Variants in FGFR1 observed in about 807,000 individuals in gnomAD.
FGFR1 encodes the protein FGFR1/PLAG1 fusion.
Under a neutral mutation model 93.7 loss-of-function variants are expected in FGFR1, and 18 were observed. That is an observed-to-expected ratio of 0.19 (90% confidence interval 0.13 to 0.28). The LOEUF (loss-of-function observed/expected upper bound fraction) is 0.28, where lower values mean the gene tolerates loss of function less well. Among genes scored for constraint, FGFR1 ranks in the 10% least tolerant of loss-of-function variants. The pLI, the probability that FGFR1 is intolerant of heterozygous loss-of-function variation, is 1.00. For synonymous variants in FGFR1, 448 were observed against 429.3 expected, an observed-to-expected ratio of 1.04 and a Z score of -0.54; for missense variants, 731 against 1,080.4, an observed-to-expected ratio of 0.68 and a Z score of 4.53.
chr8:38,411,627 T>C lies in FGFR1; in HGVS notation c.*2001A>G, dbSNP rs1473672284. 1 of 229,240 alleles carries C rather than the reference T, an allele frequency of 4.4e-6. No homozygotes were observed. Among genetic ancestry groups the C allele is most frequent in the Non-Finnish European group, 8.7e-6 (1 of 115,386 alleles). The allele number at this position is 229,240 out of a possible 1,614,324, so 14.2% of individuals were successfully genotyped here. On this transcript the variant is annotated 3_prime_UTR_variant, in exon 18 of 18. Transcript: ENST00000447712. Reference sequence around the variant, plus strand: ...AACATATTGAACTTTCTTTTGTATTTAGCAGTAATCCAGCAAAATATAAGC... The same window carrying C: ...AACATATTGAACTTTCTTTTGTATTCAGCAGTAATCCAGCAAAATATAAGC...
At chr8:38,466,047 C>A (rs1414774981) in intron 1 of FGFR1, 5 of 230,828 alleles carry the variant, frequency 2.2e-5, no homozygotes, top group Non-Finnish European at 4.3e-5. Context: ...AACTTTGGAC[C>A]ACAAGGCGCT....
Position 38,415,468 on chromosome 8 carries a change from ATTTT to A in FGFR1, c.1854+398_1854+401del, listed in dbSNP as rs11451619. 3.5e-5 allele frequency among the ~76,000 whole-genome samples: 5 copies of A among 141,716 alleles called. No homozygotes were observed. The East Asian group carries it at 1.0e-3, about 29-fold the overall frequency. The allele number at this position is 141,716 out of a possible 152,430, so 93.0% of individuals were successfully genotyped here. A position where few individuals can be genotyped will look rare whatever the true frequency, so the allele number is the denominator to read the frequency against. On this transcript the variant is annotated intron_variant, in intron 13 of 17. Transcript: ENST00000447712. Reference sequence around the variant, plus strand: ...ACTACCACACCCAGCTAATTTTTTAATTTTTTTTTTTTTTTTAAAGACGGGGTTT... The same window carrying A: ...ACTACCACACCCAGCTAATTTTTTAATTTTTTTTTTTTAAAGACGGGGTTT...
chr8:38,421,176 C>G (rs376965438), intron 8 of FGFR1, among the ~76,000 whole-genome samples: 136 of 152,300 alleles, frequency 8.9e-4, no homozygotes, highest in African/African-American at 2.9e-3. Context: ...CTCCCTGGCT[C>G]AACACGCAGA....
chr8:38,466,552 G>A (rs557095091), intron 1 of FGFR1: 41 of 230,582 alleles, frequency 1.8e-4, no homozygotes, highest in Non-Finnish European at 3.3e-4. Context: ...CAGCGGCGGC[G>A]AATAACTTGG....
At chr8:38,427,821 G>C (rs1249632166) in intron 5 of FGFR1, 100 bp downstream of exon 5, 1 of 1,321,050 alleles carries the variant, frequency 7.6e-7, no homozygotes, top group African/African-American at 1.5e-5. Flanking sequence ...TGTATAGGTG[G>C]AAAGTATTAC....
intron 2 of FGFR1, among the ~76,000 whole-genome samples, chr8:38,439,682 C>T (rs1826712618): frequency 6.6e-6 from 1 of 152,170 alleles, no homozygotes; most frequent in Non-Finnish European, 1.5e-5. Context: ...CCTCACTGCT[C>T]CTTTCATTTT....
intron 7 of FGFR1, chr8:38,422,606 T>TG (rs1819233040): frequency 3.5e-6 from 1 of 287,502 alleles, no homozygotes; most frequent in South Asian, 7.2e-5. Flanking sequence ...CTTGCTATGT[T>TG]GCCCAGGCTG....
intron 2 of FGFR1, among the ~76,000 whole-genome samples, chr8:38,443,507 A>G (rs1267786322): frequency 6.6e-6 from 1 of 151,488 alleles, no homozygotes. Flanking sequence ...AAAAAAAAAA[A>G]AAAAAGAAAA....
chr8:38,427,331 G>A (rs1341209326), intron 5 of FGFR1, among the ~76,000 whole-genome samples: 1 of 152,218 alleles, frequency 6.6e-6, no homozygotes, highest in African/African-American at 2.4e-5. Context: ...CCAGGCTAGA[G>A]TGAAATGACG....
intron 12 of FGFR1, 141 bp downstream of exon 12, chr8:38,417,165 G>T: frequency 1.4e-6 from 1 of 736,062 alleles, no homozygotes; most frequent in Non-Finnish European, 2.5e-6. Context: ...CAGATCCCGA[G>T]ATAACACATT....
chr8:38,459,057 C>T (rs998118670), intron 1 of FGFR1: 7 of 229,108 alleles, frequency 3.1e-5, no homozygotes, highest in East Asian at 6.2e-5. Context: ...AGCCCTTTAC[C>T]CTTCTCAGGT....
chr8:38,444,824 CAA>C (rs1366880374), intron 2 of FGFR1, among the ~76,000 whole-genome samples: 2 of 152,268 alleles, frequency 1.3e-5, no homozygotes, highest in Admixed American at 1.3e-4. Flanking sequence ...TTACTCTCAG[CAA>C]AGTCAGTATT....
chr8:38,429,544 T>C lies in FGFR1; in HGVS notation c.358+138A>G, dbSNP rs1249325363. 1 of 980,492 alleles carries C rather than the reference T, an allele frequency of 1.0e-6. No individual in the cohort carries two copies. The highest frequency in any genetic ancestry group is 1.5e-6 in the Non-Finnish European group (1 of 650,828). 60.7% of individuals were successfully genotyped at this position (980,492 alleles called of 1,614,324 possible). A position where few individuals can be genotyped will look rare whatever the true frequency, so the allele number is the denominator to read the frequency against. On this transcript the variant is annotated intron_variant, in intron 3 of 17. Transcript: ENST00000447712. The surrounding 1 kb of genome is among the most constrained non-coding windows in gnomAD (Gnocchi z 4.4). ...AAGCCACGCGGCAGGCAGGGAGCAA[T>C]GTTAGTGGGCAGCAGTTTCTGAAGC...
chr8:38,442,043 C>T (rs1025410550), intron 2 of FGFR1, among the ~76,000 whole-genome samples: 1 of 152,106 alleles, frequency 6.6e-6, no homozygotes, highest in African/African-American at 2.4e-5. Context: ...CATACTATTT[C>T]GGAGACATTA....
At chr8:38,452,350 T>C (rs1391648857) in intron 2 of FGFR1, among the ~76,000 whole-genome samples, 1 of 152,052 alleles carries the variant, frequency 6.6e-6, no homozygotes, top group Non-Finnish European at 1.5e-5. Flanking sequence ...ACATAGATTA[T>C]AATGTGTTTC....
chr8:38,430,120 C>G, intron 2 of FGFR1, 172 bp from the exon 3 acceptor site: 1 of 651,144 alleles, frequency 1.5e-6, no homozygotes, highest in Non-Finnish European at 2.6e-6. Context: ...GAGCATGGGT[C>G]AGTGGGGAAA....
intron 2 of FGFR1, among the ~76,000 whole-genome samples, chr8:38,436,607 G>C (rs1036759829): frequency 6.6e-6 from 1 of 151,906 alleles, no homozygotes; most frequent in Non-Finnish European, 1.5e-5. Flanking sequence ...CTTTTAGTGC[G>C]AGTGACAAGG....
Position 38,418,196 on chromosome 8 carries a change from C to T in FGFR1, c.1430+32G>A, listed in dbSNP as rs1023624182. The T allele has an allele frequency of 6.8e-6, 11 of 1,614,020 alleles. No homozygotes were observed. The African/African-American group carries it at 1.3e-4, about 20-fold the overall frequency. ...CACTAGAATAGCAAGCAAGGAATGC[C>T]TTCAAAAAGTTGGGAGTCAAAGTAT... On this transcript the variant is annotated intron_variant, in intron 10 of 17. Transcript: ENST00000447712.
chr8:38,433,008 G>C (rs1055750529), intron 2 of FGFR1, among the ~76,000 whole-genome samples: 16 of 148,956 alleles, frequency 1.1e-4, no homozygotes, highest in African/African-American at 3.7e-4. Flanking sequence ...CCACTCCAGA[G>C]TCCTCCTACC....
Sources: gnomAD v4.1 joint callset for allele counts (sites outside exome capture counted in the v4.1 genomes callset) on GRCh38, gnomAD v4.1.1 for gene constraint, Gnocchi (gnomAD v3.1) non-coding constraint, MANE v1.5 for transcripts, NCBI Gene and HGNC (gene_info 2026-07-23, HGNC 2026-07-21) for gene names.